Variants in BRINP1 observed in about 807,000 individuals in gnomAD.
BRINP1 encodes BMP/retinoic acid-inducible neural-specific protein 1.
Under a neutral mutation model 72.9 loss-of-function variants are expected in BRINP1, and 17 were observed. The observed-to-expected ratio is 0.23, with a 90% CI of 0.16 to 0.35. The LOEUF is 0.35. Among genes scored for constraint, BRINP1 ranks in the 10% least tolerant of loss-of-function variants. BRINP1 has a pLI of 1.00. For missense variants in BRINP1, 850 were observed against 1,001.6 expected (o/e 0.85, Z 2.04); for synonymous variants, 418 against 378.5 (o/e 1.10, Z -1.21).
At chr9:119,308,826 C>T (rs925753880) in intron 2 of BRINP1, among the ~76,000 whole-genome samples, 1 of 152,184 alleles carries the variant, frequency 6.6e-6, no homozygotes, top group Non-Finnish European at 1.5e-5. Context: ...AATATGGAAC[C>T]GCCTCTTGTG....
At chr9:119,293,114 T>G (rs898413792) in intron 2 of BRINP1, among the ~76,000 whole-genome samples, 1 of 152,136 alleles carries the variant, frequency 6.6e-6, no homozygotes, top group Non-Finnish European at 1.5e-5. Flanking sequence ...TATGGCTTCT[T>G]ATGAAAGCCC....
intron 5 of BRINP1, among the ~76,000 whole-genome samples, chr9:119,218,746 ATTTTTTT>A (rs10685419): frequency 4.5e-5 from 6 of 133,378 alleles, no homozygotes; most frequent in African/African-American, 1.4e-4. Context: ...AAACTCAGGG[ATTTTTTT>A]TTTTTTTTTT....
At chr9:119,267,799 C>T (rs1305106929) in intron 2 of BRINP1, among the ~76,000 whole-genome samples, 2 of 152,056 alleles carry the variant, frequency 1.3e-5, no homozygotes, top group Non-Finnish European at 2.9e-5. Flanking sequence ...AGCATGAAAC[C>T]ATAGGCACAG....
At chr9:119,183,836 A>G (rs995924402) in intron 7 of BRINP1, among the ~76,000 whole-genome samples, 42 of 152,140 alleles carry the variant, frequency 2.8e-4, no homozygotes, top group African/African-American at 9.2e-4. Flanking sequence ...ACTGAGGCTC[A>G]GAGAAGGGAA....
intron 6 of BRINP1, among the ~76,000 whole-genome samples, chr9:119,209,563 T>A (rs781656183): frequency 3.4e-5 from 5 of 145,242 alleles, no homozygotes; most frequent in Non-Finnish European, 7.4e-5. Flanking sequence ...CAAGACTCTG[T>A]CTCAAAAAAA....
In BRINP1 at chr9:119,244,492, G is replaced by A. The variant is rs534866728; in HGVS notation, c.410-2276C>T. Among the ~76,000 whole-genome samples the A allele has an allele frequency of 7.2e-5, 11 of 152,310 alleles. No homozygotes were observed. The South Asian group carries it at 1.0e-3, about 14-fold the overall frequency. ...GATAAGTAGATAGATAGATAGATGAGTGGATGGGTGTATAGATGAACAGAC... is the reference window on the plus strand; with the variant it reads ...GATAAGTAGATAGATAGATAGATGAATGGATGGGTGTATAGATGAACAGAC... On this transcript the variant is annotated intron_variant, in intron 3 of 7. Transcript: ENST00000265922.
intron 2 of BRINP1, among the ~76,000 whole-genome samples, chr9:119,277,669 G>A (rs1215776266): frequency 6.6e-6 from 1 of 152,204 alleles, no homozygotes; most frequent in Non-Finnish European, 1.5e-5. Context: ...GGTGAATGCT[G>A]AGGGAAAAGG....
Position 119,199,786 on chromosome 9 carries a change from T to C in BRINP1, c.1145+8933A>G, listed in dbSNP as rs558446493. 1.9e-4 allele frequency among the ~76,000 whole-genome samples: 25 copies of C among 130,492 alleles called. No individual in the cohort carries two copies. The South Asian group carries it at 6.0e-3, about 31-fold the overall frequency. The allele number at this position is 130,492 out of a possible 152,430, so 85.6% of individuals were successfully genotyped here. ...ATTTCATTGAATTGAATAGTGTCTG[T>C]TTTTCTTGTTCTTCTTTTTTTTTTT... On this transcript the variant is annotated intron_variant, in intron 7 of 7. Coordinates refer to ENST00000265922, the MANE Select transcript of BRINP1 (RefSeq NM_014618.3).
At chr9:119,342,576 T>C (rs1831416026) in intron 1 of BRINP1, among the ~76,000 whole-genome samples, 1 of 152,240 alleles carries the variant, frequency 6.6e-6, no homozygotes, top group Non-Finnish European at 1.5e-5. Flanking sequence ...CCTCCATTTA[T>C]GTCTCCACAA....
chr9:119,284,472 TG>T (rs34743916), intron 2 of BRINP1, among the ~76,000 whole-genome samples: 1 of 152,196 alleles, frequency 6.6e-6, no homozygotes, highest in Admixed American at 6.5e-5. Context: ...GTCTCACTTT[TG>T]GGGGGGTGGT....
chr9:119,210,634 G>A (rs1022310126), intron 6 of BRINP1, among the ~76,000 whole-genome samples: 1 of 151,970 alleles, frequency 6.6e-6, no homozygotes, highest in Non-Finnish European at 1.5e-5. Context: ...CAATCCCGAG[G>A]CTCAGTACAT....
intron 2 of BRINP1, among the ~76,000 whole-genome samples, chr9:119,266,790 G>A (rs1427730677): frequency 6.6e-6 from 1 of 152,158 alleles, no homozygotes; most frequent in Non-Finnish European, 1.5e-5. Context: ...TTAGCATAAT[G>A]TTCTCCGGTT....
intron 7 of BRINP1, among the ~76,000 whole-genome samples, chr9:119,199,324 A>T (rs745859520): frequency 2.0e-5 from 3 of 152,220 alleles, no homozygotes; most frequent in African/African-American, 7.2e-5. Flanking sequence ...ATGAATATTG[A>T]GGGTCATCAG....
chr9:119,196,229 A>G (rs1829736362), intron 7 of BRINP1, among the ~76,000 whole-genome samples: 1 of 152,134 alleles, frequency 6.6e-6, no homozygotes, highest in African/African-American at 2.4e-5. Flanking sequence ...GGGACTTAGG[A>G]CCCACCTCAG....
intron 2 of BRINP1, among the ~76,000 whole-genome samples, chr9:119,277,344 T>C (rs534923028): frequency 6.6e-5 from 10 of 152,278 alleles, no homozygotes; most frequent in African/African-American, 1.9e-4. Flanking sequence ...ACTCCAGGCA[T>C]TGGTTGGTCA....
In BRINP1 at chr9:119,168,233, T is replaced by C. The variant is rs374619974; in HGVS notation, c.1146-9A>G. 84 of 1,491,780 alleles carry C rather than the reference T, an allele frequency of 5.6e-5. No homozygotes were observed. The highest frequency in any genetic ancestry group is 7.3e-5 in the Non-Finnish European group (82 of 1,123,884). 92.4% of individuals were successfully genotyped at this position (1,491,780 alleles called of 1,614,324 possible). A position where few individuals can be genotyped will look rare whatever the true frequency, so the allele number is the denominator to read the frequency against. On this transcript the variant is annotated splice_polypyrimidine_tract_variant and intron_variant, in intron 7 of 7. Transcript: ENST00000265922. The stretch of plus-strand genomic sequence containing the variant: ...GCCACTGCTGAATTGTCCTGGGAGA[T>C]AAAGGAAAATTGGAGAAGGTTAGCT...
intron 5 of BRINP1, among the ~76,000 whole-genome samples, chr9:119,218,209 T>A (rs1302400641): frequency 6.7e-6 from 1 of 149,232 alleles, no homozygotes; most frequent in Non-Finnish European, 1.5e-5. Context: ...TAAATATTTT[T>A]TTTTTTTTTT....
At chr9:119,314,083 C>T (rs1184042630) in intron 1 of BRINP1, among the ~76,000 whole-genome samples, 1 of 152,184 alleles carries the variant, frequency 6.6e-6, no homozygotes, top group Non-Finnish European at 1.5e-5. Flanking sequence ...CTGCAACGTT[C>T]AATGGAATGT....
At chr9:119,224,857 A>G (rs112684271) in intron 5 of BRINP1, among the ~76,000 whole-genome samples, 2 of 152,232 alleles carry the variant, frequency 1.3e-5, no homozygotes, top group African/African-American at 4.8e-5. Flanking sequence ...GGAAAGTCAC[A>G]GAGCCTCCCA....
Sources: gnomAD v4.1 joint callset for allele counts (sites outside exome capture counted in the v4.1 genomes callset) on GRCh38, gnomAD v4.1.1 for gene constraint, MANE v1.5 for transcripts, NCBI Gene and HGNC (gene_info 2026-07-23, HGNC 2026-07-21) for gene names.